NPAT: variants seen among roughly 807,000 people sequenced by gnomAD.
The protein encoded by NPAT is protein NPAT.
Under a neutral mutation model 130.7 loss-of-function variants are expected in NPAT, and 52 were observed. That is an observed-to-expected ratio of 0.40 (90% confidence interval 0.32 to 0.50). The LOEUF (loss-of-function observed/expected upper bound fraction) is 0.50, where lower values mean the gene tolerates loss of function less well. Ranked by LOEUF, NPAT falls within the 20% of genes least tolerant of loss-of-function variation. NPAT has a pLI of 0.68. For synonymous variants in NPAT, 580 were observed against 584.8 expected, an observed-to-expected ratio of 0.99 and a Z score of 0.12; for missense variants, 1,687 against 1,662.6, an observed-to-expected ratio of 1.01 and a Z score of -0.26.
intron 7 of NPAT, 117 bp downstream of exon 7, chr11:108,187,981 T>C (rs1291459024): frequency 4.8e-5 from 37 of 765,468 alleles, no homozygotes; most frequent in East Asian, 3.9e-4. Context: ...AGTTCTAATA[T>C]AGATCAGAAC....
chr11:108,201,176 G>T (rs2078272602), intron 1 of NPAT, among the ~76,000 whole-genome samples: 2 of 152,216 alleles, frequency 1.3e-5, no homozygotes, highest in Non-Finnish European at 2.9e-5. Flanking sequence ...AGACTTCAGT[G>T]AAGTACCTAG....
chr11:108,210,829 G>A (rs921165683), intron 1 of NPAT, among the ~76,000 whole-genome samples: 1 of 152,188 alleles, frequency 6.6e-6, no homozygotes, highest in African/African-American at 2.4e-5. Context: ...TGAAATAGTA[G>A]GAGAGGACTT....
chr11:108,195,645 T>G (rs78242794), intron 2 of NPAT, among the ~76,000 whole-genome samples: 5 of 146,798 alleles, frequency 3.4e-5, no homozygotes, highest in Admixed American at 6.9e-5. Flanking sequence ...CTTTTTTTTT[T>G]GGGACAGGGT....
intron 12 of NPAT, 123 bp from the exon 13 acceptor site, chr11:108,173,974 G>A (rs1255515550): frequency 2.4e-6 from 2 of 817,764 alleles, no homozygotes; most frequent in Non-Finnish European, 4.1e-6. Context: ...GTAAGTGGAA[G>A]TCTGATACGC....
intron 15 of NPAT, among the ~76,000 whole-genome samples, chr11:108,165,313 T>C (rs2077890749): frequency 6.6e-6 from 1 of 151,818 alleles, no homozygotes; most frequent in Non-Finnish European, 1.5e-5. Flanking sequence ...GACAGGTCTA[T>C]GTTGCCCAGG....
rs554923299 is a variant in NPAT, at chr11:108,158,758, C to A, written c.*184G>T. On this transcript the variant is annotated 3_prime_UTR_variant, in exon 18 of 18. Transcript: ENST00000278612. ...ACGTTTTTCCCAAAATAAAAATATACCAAGTAAGTCTATTTACAAACTAGG... is the reference window on the plus strand; with the variant it reads ...ACGTTTTTCCCAAAATAAAAATATAACAAGTAAGTCTATTTACAAACTAGG... 7.5e-6 allele frequency: 4 copies of A among 533,614 alleles called. No individual in the cohort carries two copies. Among genetic ancestry groups the A allele is most frequent in the African/African-American group, 1.9e-5 (1 of 51,982 alleles). The allele number at this position is 533,614 out of a possible 1,614,324, so 33.1% of individuals were successfully genotyped here.
At chr11:108,202,202 C>T (rs1405235986) in intron 1 of NPAT, among the ~76,000 whole-genome samples, 1 of 151,956 alleles carries the variant, frequency 6.6e-6, no homozygotes, top group Non-Finnish European at 1.5e-5. Flanking sequence ...GCTAATAGGT[C>T]TCTCATACCA....
chr11:108,217,569 T>C (rs771660340), intron 1 of NPAT, among the ~76,000 whole-genome samples: 2 of 152,206 alleles, frequency 1.3e-5, no homozygotes, highest in Non-Finnish European at 2.9e-5. Flanking sequence ...ATGATTAGTA[T>C]CTGCCTACAA....
intron 1 of NPAT, among the ~76,000 whole-genome samples, chr11:108,221,115 C>G (rs1012592082): frequency 2.0e-5 from 3 of 152,142 alleles, no homozygotes; most frequent in African/African-American, 4.8e-5. Context: ...GCTTTCTTAA[C>G]TAGGGGTGAT....
At position 108,185,772 on chromosome 11, in the gene NPAT, C is replaced by G. The variant is rs1019535370; in HGVS notation, c.727-278G>C. 2.0e-5 allele frequency among the ~76,000 whole-genome samples: 3 copies of G among 152,274 alleles called. No homozygotes were observed. The East Asian group carries it at 5.8e-4, about 29-fold the overall frequency. ...TATTTTTACAGTGTCGCTCTATAGC[C>G]CAGCCTGGAGTACAGTGGCACAATC... On this transcript the variant is annotated intron_variant, in intron 8 of 17. Transcript: ENST00000278612.
At chr11:108,164,783 A>C (rs374361509) in intron 15 of NPAT, among the ~76,000 whole-genome samples, 77 of 152,216 alleles carry the variant, frequency 5.1e-4, no homozygotes, top group African/African-American at 1.7e-3. Context: ...AGGCCGAGGC[A>C]GGCAGATCAC....
chr11:108,170,148 T>C (rs1163290952), intron 13 of NPAT, 105 bp from the exon 14 acceptor site: 1 of 757,404 alleles, frequency 1.3e-6, no homozygotes, highest in African/African-American at 1.7e-5. Flanking sequence ...ATAAATTCTA[T>C]GAACAATCCC....
rs748775327 is a variant in NPAT, at chr11:108,172,630, T to C, written c.2354A>G (p.Glu785Gly). The change falls in exon 13 of 18, where the codon GAA (glutamate) becomes GGA (glycine). Residue 785 changes from glutamate (E) to glycine (G), a missense_variant. Glu to Gly is a moderately conservative substitution (Grantham distance 98). Coordinates refer to ENST00000278612, the MANE Select transcript of NPAT (RefSeq NM_002519.3). ...SPTKSPTKNA[E>G]LVKCLSSEET... ...TTCTGAAGATAGGCATTTAACTAGT[T>C]CTGCATTTTTAGTAGGTGATTTAGT... is the stretch of plus-strand genomic sequence containing the variant. 1.2e-6 allele frequency: 2 copies of C among 1,614,178 alleles called. No homozygotes were observed. Among genetic ancestry groups the C allele is most frequent in the Non-Finnish European group, 8.5e-7 (1 of 1,180,030 alleles).
At position 108,172,194 on chromosome 11, in the gene NPAT, G is replaced by C; in HGVS notation, c.2785+5C>G. On this transcript the variant is annotated splice_donor_5th_base_variant and intron_variant, in intron 13 of 17. Transcript: ENST00000278612. ...AACAAATTTCAATTATGTTATTAAA[G>C]TTACCTTGTGAAAAGTTTGGTGACA... The C allele has an allele frequency of 6.2e-7, 1 of 1,613,142 alleles. No individual in the cohort carries two copies.
At chr11:108,175,659 T>C (rs1172429157) in intron 12 of NPAT, among the ~76,000 whole-genome samples, 1 of 152,132 alleles carries the variant, frequency 6.6e-6, no homozygotes, top group East Asian at 1.9e-4. Context: ...GCAGAGGAAT[T>C]AAAGGAGGCA....
chr11:108,190,102 G>A (rs951603807), intron 5 of NPAT, among the ~76,000 whole-genome samples: 2 of 151,724 alleles, frequency 1.3e-5, no homozygotes, highest in Non-Finnish European at 2.9e-5. Context: ...ATGGGGTCAG[G>A]AGATTGAGAC....
chr11:108,222,016 T>C (rs1334567096), intron 1 of NPAT, among the ~76,000 whole-genome samples: 1 of 152,180 alleles, frequency 6.6e-6, no homozygotes, highest in Non-Finnish European at 1.5e-5. Flanking sequence ...AGATCACCCC[T>C]ACTCCCAAAT....
intron 1 of NPAT, among the ~76,000 whole-genome samples, chr11:108,213,170 G>C (rs2078400600): frequency 6.6e-6 from 1 of 151,834 alleles, no homozygotes; most frequent in South Asian, 2.1e-4. Context: ...CTATTCCAGA[G>C]GCTGAGGCAG....
chr11:108,208,483 G>C lies in NPAT; in HGVS notation c.38-11063C>G, dbSNP rs560384328. The C allele has an allele frequency of 3.9e-3, 1,759 of 455,732 alleles. 47 individuals are homozygous for C. Among genetic ancestry groups the C allele is most frequent in the South Asian group, 0.023 (1,499 of 64,500 alleles). The allele number at this position is 455,732 out of a possible 1,614,324, so 28.2% of individuals were successfully genotyped here. ...TGCACCTGTAGTTCCAGCTGCTCTG[G>C]AGGTGGAGGTGGGAGGATAGCTTGA... is the stretch of plus-strand genomic sequence containing the variant. On this transcript the variant is annotated intron_variant, in intron 1 of 17. Coordinates refer to ENST00000278612, the MANE Select transcript of NPAT (RefSeq NM_002519.3).
Sources: allele counts gnomAD v4.1 joint callset (sites outside exome capture counted in the v4.1 genomes callset), GRCh38; gene constraint gnomAD v4.1.1; transcripts MANE v1.5; gene names NCBI Gene and HGNC (gene_info 2026-07-23, HGNC 2026-07-21).